Variants in MAML3 observed in about 807,000 individuals in gnomAD.
MAML3 encodes mastermind-like protein 3.
A neutral mutation model predicts 101.9 loss-of-function variants in MAML3; 27 were observed. That is an observed-to-expected ratio of 0.27 (90% CI 0.20 to 0.37). The LOEUF (loss-of-function observed/expected upper bound fraction) is 0.37, where lower values mean the gene tolerates loss of function less well. MAML3 is among the 10% of genes least tolerant of loss of function. MAML3 has a pLI of 1.00. For synonymous variants in MAML3, 501 were observed against 555.9 expected (o/e 0.90, Z 1.39); for missense variants, 1,316 against 1,444.9 (o/e 0.91, Z 1.45).
chr4:140,099,564 G>A (rs149694649), intron 1 of MAML3, among the ~76,000 whole-genome samples: 40 of 152,254 alleles, frequency 2.6e-4, no homozygotes, highest in African/African-American at 9.4e-4. Context: ...ATCATAGACA[G>A]TTTGTAGCCA....
chr4:140,083,488 G>A (rs1727896020), intron 1 of MAML3, among the ~76,000 whole-genome samples: 1 of 152,164 alleles, frequency 6.6e-6, no homozygotes, highest in Admixed American at 6.5e-5. Context: ...CAGAAAAACA[G>A]GAAGGAATAC....
At chr4:139,876,356 C>T (rs1732114426) in intron 2 of MAML3, among the ~76,000 whole-genome samples, 1 of 152,228 alleles carries the variant, frequency 6.6e-6, no homozygotes, top group African/African-American at 2.4e-5. Flanking sequence ...AGTTTGGAAA[C>T]TCTAAACCTG....
At chr4:139,829,768 A>C (rs914452956) in intron 2 of MAML3, among the ~76,000 whole-genome samples, 1 of 152,258 alleles carries the variant, frequency 6.6e-6, no homozygotes, top group Non-Finnish European at 1.5e-5. Flanking sequence ...AATGGATTCA[A>C]GCACGTTTAG....
chr4:139,852,259 C>G (rs1024139526), intron 2 of MAML3, among the ~76,000 whole-genome samples: 1 of 152,078 alleles, frequency 6.6e-6, no homozygotes, highest in Non-Finnish European at 1.5e-5. Context: ...TTCTTTATAA[C>G]CTTTCTGCAA....
At chr4:139,774,979 G>T (rs1055951398) in intron 2 of MAML3, among the ~76,000 whole-genome samples, 1 of 152,086 alleles carries the variant, frequency 6.6e-6, no homozygotes, top group Admixed American at 6.5e-5. Context: ...CTCTCTCCGG[G>T]GAAAGACTTC....
At chr4:139,766,282 C>G (rs1440311736) in intron 2 of MAML3, among the ~76,000 whole-genome samples, 2 of 152,122 alleles carry the variant, frequency 1.3e-5, no homozygotes, top group Non-Finnish European at 2.9e-5. Flanking sequence ...AGCGATTCTC[C>G]TGCCTCAGCC....
intron 1 of MAML3, among the ~76,000 whole-genome samples, chr4:140,151,584 C>T (rs1297829445): frequency 3.9e-5 from 6 of 151,962 alleles, no homozygotes; most frequent in Non-Finnish European, 7.4e-5. Context: ...GGCTCTGCGC[C>T]GCCGATCGCT....
intron 2 of MAML3, among the ~76,000 whole-genome samples, chr4:139,836,008 C>G (rs1421186623): frequency 6.6e-6 from 1 of 152,200 alleles, no homozygotes; most frequent in East Asian, 1.9e-4. Context: ...CCACAGGGGG[C>G]CAATGGGACT....
chr4:139,725,073 T>G (rs1056218454), intron 4 of MAML3, among the ~76,000 whole-genome samples: 5 of 152,182 alleles, frequency 3.3e-5, no homozygotes, highest in Non-Finnish European at 7.3e-5. Context: ...GCTCTCTCTA[T>G]TAGAGATGGA....
intron 1 of MAML3, among the ~76,000 whole-genome samples, chr4:140,031,888 G>T (rs1321052659): frequency 6.6e-6 from 1 of 152,068 alleles, no homozygotes; most frequent in Non-Finnish European, 1.5e-5. Flanking sequence ...ATTCTCCTAC[G>T]TTTCTATTTC....
chr4:140,111,991 A>C (rs970389268), intron 1 of MAML3, among the ~76,000 whole-genome samples: 1 of 152,140 alleles, frequency 6.6e-6, no homozygotes, highest in African/African-American at 2.4e-5. Flanking sequence ...GTTCTGGTTC[A>C]TCTGATGTTT....
At chr4:139,842,494 A>G (rs921286169) in intron 2 of MAML3, among the ~76,000 whole-genome samples, 1 of 151,322 alleles carries the variant, frequency 6.6e-6, no homozygotes. Flanking sequence ...TCTTCCCACA[A>G]TCCTAGAAAG....
At chr4:139,811,514 A>G (rs1228087373) in intron 2 of MAML3, among the ~76,000 whole-genome samples, 3 of 152,228 alleles carry the variant, frequency 2.0e-5, no homozygotes, top group Non-Finnish European at 2.9e-5. Flanking sequence ...GTTTCCTGGG[A>G]TAGTTCTAGA....
chr4:139,911,279 G>A (rs1014042421), intron 1 of MAML3, among the ~76,000 whole-genome samples: 4 of 151,110 alleles, frequency 2.6e-5, no homozygotes. Context: ...GTGCAGTGGC[G>A]TAATCTCAGC....
rs1415856690 is a variant in MAML3 at position 140,107,876 on chromosome 4, G to A, written c.468+44984C>T. Among the ~76,000 whole-genome samples the A allele has an allele frequency of 5.3e-5, 8 of 151,040 alleles. No homozygotes were observed. The South Asian group carries it at 1.5e-3, about 28-fold the overall frequency. ...TAAAAAAAAAATGACGGTGGGGTGA[G>A]CAAATACATATGCTGAGAAAAGGCA... On this transcript the variant is annotated intron_variant, in intron 1 of 4. Coordinates refer to ENST00000509479, the MANE Select transcript of MAML3 (RefSeq NM_018717.5).
chr4:140,048,301 T>C (rs1727213687), intron 1 of MAML3, among the ~76,000 whole-genome samples: 1 of 152,202 alleles, frequency 6.6e-6, no homozygotes, highest in Admixed American at 6.5e-5. Context: ...ACAGGAAACC[T>C]CAATACCCTT....
At chr4:139,941,050 T>C (rs930679712) in intron 1 of MAML3, among the ~76,000 whole-genome samples, 2 of 152,236 alleles carry the variant, frequency 1.3e-5, no homozygotes, top group African/African-American at 2.4e-5. Flanking sequence ...AATGTTCAAA[T>C]GTTCTTCACC....
intron 1 of MAML3, among the ~76,000 whole-genome samples, chr4:140,134,816 G>A (rs13149768): frequency 0.063 from 9,538 of 152,172 alleles, 409 homozygotes; most frequent in South Asian, 0.092. Flanking sequence ...AATATCACCC[G>A]TTTTCTCCTT....
intron 2 of MAML3, among the ~76,000 whole-genome samples, chr4:139,839,520 C>A (rs1731323979): frequency 1.3e-5 from 2 of 150,506 alleles, no homozygotes; most frequent in South Asian, 2.1e-4. Context: ...TCCTTTTCAT[C>A]CTTCCCCAAG....
Sources: allele counts gnomAD v4.1 joint callset (sites outside exome capture counted in the v4.1 genomes callset), GRCh38; gene constraint gnomAD v4.1.1; transcripts MANE v1.5; gene names NCBI Gene and HGNC (gene_info 2026-07-23, HGNC 2026-07-21).